ATP8A2: variants seen among roughly 807,000 people sequenced by gnomAD.
ATP8A2 encodes ATPase phospholipid transporting 8A2.
Under a neutral mutation model 165.6 loss-of-function variants are expected in ATP8A2, and 100 were observed. That is an observed-to-expected ratio of 0.60 (90% CI 0.51 to 0.71). The LOEUF is 0.71. Among genes scored for constraint, ATP8A2 ranks in the 30% least tolerant of loss-of-function variants. The pLI, the probability that ATP8A2 is intolerant of heterozygous loss-of-function variation, is 0.00. For missense variants in ATP8A2, 1,227 were observed against 1,479.5 expected (o/e 0.83, Z 2.80); for synonymous variants, 543 against 548.8 (o/e 0.99, Z 0.15).
intron 25 of ATP8A2, among the ~76,000 whole-genome samples, chr13:25,768,076 T>TGGGGGGGG (rs397942177): frequency 2.2e-4 from 11 of 49,330 alleles, no homozygotes; most frequent in Non-Finnish European, 2.8e-4. Flanking sequence ...TGTGGTGGCG[T>TGGGGGGGG]GGGGGGGGGG....
At chr13:25,620,989 G>A (rs2040953746) in intron 24 of ATP8A2, among the ~76,000 whole-genome samples, 1 of 152,188 alleles carries the variant, frequency 6.6e-6, no homozygotes, top group South Asian at 2.1e-4. Flanking sequence ...GAGAGAAGTG[G>A]AGTAGTGGGT....
At chr13:25,810,341 C>G (rs9511928) in intron 27 of ATP8A2, among the ~76,000 whole-genome samples, 76,362 of 152,016 alleles carry the variant, frequency 0.5, 20,164 homozygotes, top group South Asian at 0.62. Flanking sequence ...GGCCACATCT[C>G]AAGGCTCAGC....
At chr13:25,920,157 T>C (rs1464924979) in intron 33 of ATP8A2, among the ~76,000 whole-genome samples, 1 of 152,190 alleles carries the variant, frequency 6.6e-6, no homozygotes, top group Non-Finnish European at 1.5e-5. Context: ...GTGTTCCAGC[T>C]AGCCCAACTC....
chr13:25,491,923 C>T (rs1229567408), intron 2 of ATP8A2, among the ~76,000 whole-genome samples: 1 of 152,194 alleles, frequency 6.6e-6, no homozygotes, highest in Non-Finnish European at 1.5e-5. Context: ...TTGTATCAGT[C>T]TGTAACCAAA....
chr13:25,945,607 C>A (rs966888414), intron 33 of ATP8A2, among the ~76,000 whole-genome samples: 1 of 151,960 alleles, frequency 6.6e-6, no homozygotes, highest in African/African-American at 2.4e-5. Flanking sequence ...TGTGGAGGGG[C>A]AGTGAAAAGA....
chr13:25,542,763 C>A (rs1433274268), intron 9 of ATP8A2, among the ~76,000 whole-genome samples: 2 of 152,110 alleles, frequency 1.3e-5, no homozygotes, highest in Non-Finnish European at 2.9e-5. Context: ...ATTTAGCATA[C>A]ATAGCTATAC....
chr13:25,738,206 T>C (rs562732425), intron 25 of ATP8A2, among the ~76,000 whole-genome samples: 39 of 152,270 alleles, frequency 2.6e-4, no homozygotes, highest in Middle Eastern at 3.4e-3. Flanking sequence ...TAAACTCCAA[T>C]GTCCCCGAGG....
intron 2 of ATP8A2, among the ~76,000 whole-genome samples, chr13:25,518,028 A>G (rs141742729): frequency 4.6e-5 from 7 of 152,340 alleles, no homozygotes; most frequent in Admixed American, 6.5e-5. Flanking sequence ...ATCCATTGGA[A>G]TGTCCTCTGG....
chr13:26,021,688 T>TA lies in ATP8A2; in HGVS notation c.*1704dup, dbSNP rs1957084409. 1.3e-5 allele frequency: 2 copies of TA among 152,158 alleles called. No individual in the cohort carries two copies. The highest frequency in any genetic ancestry group is 1.3e-4 in the Admixed American group (2 of 15,272). 9.4% of individuals were successfully genotyped at this position (152,158 alleles called of 1,614,324 possible). A position where few individuals can be genotyped will look rare whatever the true frequency, so the allele number is the denominator to read the frequency against. ...GGCCTAAATACTTGTGGGCAACTGT[T>TA]ACTGGTGAAAAATGGGAGTGGAGAG... is the stretch of plus-strand genomic sequence containing the variant. On this transcript the variant is annotated 3_prime_UTR_variant, in exon 37 of 37. Transcript: ENST00000381655.
At chr13:25,816,598 A>C (rs903100030) in intron 27 of ATP8A2, among the ~76,000 whole-genome samples, 2 of 152,214 alleles carry the variant, frequency 1.3e-5, no homozygotes, top group Non-Finnish European at 2.9e-5. Context: ...GCCTGTCCCC[A>C]AACAGAGTGA....
chr13:25,695,337 A>G (rs1012648586), intron 24 of ATP8A2, among the ~76,000 whole-genome samples: 13 of 152,200 alleles, frequency 8.5e-5, no homozygotes, highest in Non-Finnish European at 2.9e-5. Context: ...TTGCCATGAC[A>G]TTCATGGCTG....
intron 2 of ATP8A2, among the ~76,000 whole-genome samples, chr13:25,495,890 A>C (rs1019033321): frequency 3.3e-5 from 5 of 151,996 alleles, no homozygotes; most frequent in African/African-American, 1.2e-4. Context: ...AATATATTTC[A>C]TCTTTCTGGA....
In ATP8A2 at chr13:25,372,269, G is replaced by A. The variant is rs2032429286; in HGVS notation, c.57G>A (p.Ser19=). The A allele has an allele frequency of 1.4e-6, 2 of 1,475,864 alleles. No homozygotes were observed. Among genetic ancestry groups the A allele is most frequent in the Non-Finnish European group, 1.8e-6 (2 of 1,110,142 alleles). The allele number at this position is 1,475,864 out of a possible 1,614,324, so 91.4% of individuals were successfully genotyped here. A position where few individuals can be genotyped will look rare whatever the true frequency, so the allele number is the denominator to read the frequency against. Residue 19 remains serine, a synonymous_variant, in exon 1 of 37, where the codon TCG becomes TCA. Coordinates refer to ENST00000381655, the MANE Select transcript of ATP8A2 (RefSeq NM_016529.6). The surrounding 1 kb of genome is among the most constrained non-coding windows in gnomAD (Gnocchi z 4.8). ...TTAAGATGTCCCTGCCGCGGAGGTC[G>A]AGGATCCGCTCGTCCGTGGGTGAGC... is the stretch of plus-strand genomic sequence containing the variant. ...KALKMSLPRR[S]RIRSSVGPVR... is the part of the protein sequence containing the mutation.
At position 25,592,989 on chromosome 13, in the gene ATP8A2, C is replaced by T. The variant is rs187179572; in HGVS notation, c.2211+3290C>T. 2.7e-4 allele frequency among the ~76,000 whole-genome samples: 41 copies of T among 152,184 alleles called. 1 individual carries two copies. Among genetic ancestry groups the T allele is most frequent in the Middle Eastern group, 3.4e-3 (1 of 294 alleles). ...CTATGTACTGTTTTTGTTCATTATT[C>T]AAAAGGACACTCCATATTTCTGACT... is the stretch of plus-strand genomic sequence containing the variant. On this transcript the variant is annotated intron_variant, in intron 24 of 36. Transcript: ENST00000381655.
At chr13:25,895,774 A>G (rs1342877589) in intron 33 of ATP8A2, among the ~76,000 whole-genome samples, 3 of 152,122 alleles carry the variant, frequency 2.0e-5, no homozygotes, top group Non-Finnish European at 4.4e-5. Flanking sequence ...GAGGGTATGT[A>G]TCGAGGAATT....
chr13:25,714,373 C>A (rs1345156227), intron 25 of ATP8A2, among the ~76,000 whole-genome samples: 1 of 152,108 alleles, frequency 6.6e-6, no homozygotes, highest in Non-Finnish European at 1.5e-5. Flanking sequence ...TCAAATGTCA[C>A]CCTCTCAGCT....
intron 27 of ATP8A2, among the ~76,000 whole-genome samples, chr13:25,791,267 G>T (rs2045164447): frequency 6.6e-6 from 1 of 151,924 alleles, no homozygotes; most frequent in South Asian, 2.1e-4. Flanking sequence ...CATTATCGTT[G>T]GCAAACTAAC....
chr13:26,014,603 A>G (rs1956924949), intron 36 of ATP8A2, among the ~76,000 whole-genome samples: 1 of 152,156 alleles, frequency 6.6e-6, no homozygotes, highest in South Asian at 2.1e-4. Flanking sequence ...ACAAATGTCA[A>G]GCTTTAAGAC....
At chr13:25,500,370 ATT>A (rs1182353983) in intron 2 of ATP8A2, among the ~76,000 whole-genome samples, 1 of 152,178 alleles carries the variant, frequency 6.6e-6, no homozygotes, top group Non-Finnish European at 1.5e-5. Flanking sequence ...TGCAGGTAAG[ATT>A]TGTCTCATTA....
Sources: gnomAD v4.1 joint callset for allele counts (sites outside exome capture counted in the v4.1 genomes callset) on GRCh38, gnomAD v4.1.1 for gene constraint, Gnocchi (gnomAD v3.1) non-coding constraint, MANE v1.5 for transcripts, NCBI Gene and HGNC (gene_info 2026-07-23, HGNC 2026-07-21) for gene names.